NBPF12: variants seen among roughly 807,000 people sequenced by gnomAD.
The protein encoded by NBPF12 is NBPF member 12.
NBPF12 carries 115 observed loss-of-function variants against 146.4 expected under a neutral mutation model. That is an observed-to-expected ratio of 0.79 (90% CI 0.68 to 0.92). The LOEUF (loss-of-function observed/expected upper bound fraction) is 0.92. Among genes scored for constraint, NBPF12 ranks in the 40% least tolerant of loss-of-function variants. The probability of loss-of-function intolerance (pLI) is 0.00; values close to 1 mark genes in which losing one functional copy is unlikely to be tolerated. For synonymous variants in NBPF12, 385 were observed against 508.9 expected (o/e 0.76, Z 3.28); for missense variants, 1,205 against 1,326.8 (o/e 0.91, Z 1.43).
chr1:146,958,138 G>A (rs1387174656), intron 2 of NBPF12, among the ~76,000 whole-genome samples: 1 of 116,026 alleles, frequency 8.6e-6, no homozygotes, highest in Non-Finnish European at 1.9e-5. Flanking sequence ...CCCTCCCCCA[G>A]CCCTCACCCC....
intron 1 of NBPF12, among the ~76,000 whole-genome samples, chr1:146,941,910 G>A (rs1364706537): frequency 7.4e-5 from 11 of 149,120 alleles, no homozygotes; most frequent in Non-Finnish European, 1.3e-4. Context: ...CCAGGCTGAA[G>A]TGTGTTGGCA....
rs1553885566 is a variant in NBPF12 at position 146,965,836 on chromosome 1, C to T, written c.779-628C>T. ...AAAAAAAAAAGTCTCTGACCAGGGG[C>T]GCTGGCTCACATCTTAATCCCAGCA... On this transcript the variant is annotated intron_variant, in intron 8 of 33. Coordinates refer to ENST00000617844, the Ensembl canonical transcript of NBPF12. 6.8e-4 allele frequency among the ~76,000 whole-genome samples: 86 copies of T among 126,816 alleles called. 1 individual carries two copies. Among genetic ancestry groups the T allele is most frequent in the African/African-American group, 2.0e-3 (68 of 33,436 alleles). 83.2% of individuals were successfully genotyped at this position (126,816 alleles called of 152,430 possible).
intron 13 of NBPF12, among the ~76,000 whole-genome samples, chr1:146,972,215 C>T (rs1237052627): frequency 1.3e-5 from 2 of 150,744 alleles, no homozygotes; most frequent in East Asian, 1.9e-4. Flanking sequence ...TCCAAGTTGG[C>T]GAAACCCCAT....
exon 8 of NBPF12, chr1:146,965,084 A>G (rs1185800587): frequency 1.3e-6 from 2 of 1,599,342 alleles, no homozygotes; most frequent in South Asian, 1.1e-5. Flanking sequence ...GAATGTCAGG[A>G]TGCTCTAAAC....
At chr1:146,972,728 G>C in intron 13 of NBPF12, 23 bp from the exon 17 acceptor site, 2 of 1,366,738 alleles carry the variant, frequency 1.5e-6, no homozygotes, top group Non-Finnish European at 2.1e-6. Flanking sequence ...AACCCATCAT[G>C]TGTTTGCCTT....
At chr1:146,962,400 A>T in intron 5 of NBPF12, 137 bp downstream of exon 8, 1 of 711,516 alleles carries the variant, frequency 1.4e-6, no homozygotes, top group Non-Finnish European at 2.5e-6. Flanking sequence ...ATGACACACA[A>T]ATATTTATCA....
intron 4 of NBPF12, among the ~76,000 whole-genome samples, chr1:146,961,445 T>C (rs1403417107): frequency 3.3e-5 from 5 of 152,058 alleles, no homozygotes; most frequent in Admixed American, 1.3e-4. Context: ...ATGAGGTATT[T>C]CCTGTCAATC....
chr1:146,966,141 TA>T (rs1656192313), intron 8 of NBPF12, among the ~76,000 whole-genome samples: 1 of 151,802 alleles, frequency 6.6e-6, no homozygotes, highest in Admixed American at 6.6e-5. Flanking sequence ...AGAAAAAAAT[TA>T]AAAAAGCAAA....
upstream of NBPF12, among the ~76,000 whole-genome samples, chr1:146,938,470 G>T (rs1473884193): frequency 5.3e-5 from 8 of 152,242 alleles, no homozygotes; most frequent in African/African-American, 1.4e-4. Context: ...GAATTGCAGG[G>T]TCAAGGGCTG....
exon 12 of NBPF12, chr1:146,970,686 A>C: frequency 7.0e-7 from 1 of 1,427,932 alleles, no homozygotes; most frequent in Admixed American, 1.7e-5. Context: ...CAAGTTGAGG[A>C]GGATGAGAAA....
In NBPF12 at chr1:146,970,600, C is replaced by G. The variant is rs1570859362; in HGVS notation, c.1307-47C>G. The G allele has an allele frequency of 4.5e-6, 7 of 1,566,370 alleles. No homozygotes were observed. The African/African-American group carries it at 5.5e-5, about 12-fold the overall frequency. ...GTGCACGTTGGGCTGACTGTGCTTG[C>G]AGAATGTGAAGTGGAAAATATCTGA... is the stretch of plus-strand genomic sequence containing the variant. On this transcript the variant is annotated intron_variant, in intron 11 of 33. Transcript: ENST00000617844.
At chr1:146,984,700 G>A in intron 21 of NBPF12, 113 bp from the exon 25 acceptor site, 2 of 752,922 alleles carry the variant, frequency 2.7e-6, no homozygotes, top group African/African-American at 1.8e-5. Flanking sequence ...CTCATTAATG[G>A]ATCTGTCCTT....
chr1:146,994,668 C>A, exon 34 of NBPF12: 1 of 1,565,010 alleles, frequency 6.4e-7, no homozygotes. Flanking sequence ...ATTTGGAAGC[C>A]CAGACATAGG....
exon 34 of NBPF12, chr1:146,995,803 T>TAG (rs1658505474): frequency 6.7e-6 from 1 of 150,134 alleles, no homozygotes; most frequent in African/African-American, 2.5e-5. Context: ...CTGTCCCTTT[T>TAG]AGAGACACCT....
upstream of NBPF12, among the ~76,000 whole-genome samples, chr1:146,938,527 C>T (rs1398702836): frequency 1.4e-5 from 2 of 146,792 alleles, no homozygotes; most frequent in Admixed American, 6.8e-5. Context: ...TTCCCGTCCC[C>T]GCTGCGCTCC....
chr1:146,972,131 C>T (rs1418738693), intron 13 of NBPF12, among the ~76,000 whole-genome samples: 21 of 143,552 alleles, frequency 1.5e-4, no homozygotes, highest in Non-Finnish European at 2.9e-4. Context: ...GGCGCTGGCT[C>T]ACATCTTAAT....
exon 14 of NBPF12, chr1:146,972,851 G>A (rs1656743590): frequency 7.9e-7 from 1 of 1,273,766 alleles, no homozygotes; most frequent in Non-Finnish European, 1.1e-6. Context: ...AAATCAATGA[G>A]AAGTTGCGCC....
chr1:146,973,656 C>T (rs1434284639), intron 14 of NBPF12, among the ~76,000 whole-genome samples: 1 of 148,926 alleles, frequency 6.7e-6, no homozygotes, highest in Non-Finnish European at 1.5e-5. Flanking sequence ...GGCATGGTGG[C>T]AGGTGACTGT....
rs1553886831 is a variant in NBPF12 at position 146,972,978 on chromosome 1, A to T, written c.1801+18A>T. The T allele has an allele frequency of 7.6e-6, 7 of 916,846 alleles. No homozygotes were observed. Among genetic ancestry groups the T allele is most frequent in the South Asian group, 6.5e-5 (5 of 77,222 alleles). The allele number at this position is 916,846 out of a possible 1,614,324, so 56.8% of individuals were successfully genotyped here. ...CAAATACAGTAAGATCTATATGCTC[A>T]CCATCATGAAAGTGATGAACGAAGT... is the stretch of plus-strand genomic sequence containing the variant. On this transcript the variant is annotated intron_variant, in intron 14 of 33. Coordinates refer to ENST00000617844, the Ensembl canonical transcript of NBPF12.
Sources: allele counts gnomAD v4.1 joint callset (sites outside exome capture counted in the v4.1 genomes callset), GRCh38; gene constraint gnomAD v4.1.1; transcripts MANE v1.5; gene names NCBI Gene and HGNC (gene_info 2026-07-23, HGNC 2026-07-21).